The following VWA3B variants were observed in gnomAD, a reference collection of about 807,000 sequenced individuals.
VWA3B encodes von Willebrand factor A domain-containing protein 3B.
Under a neutral mutation model 158.3 loss-of-function variants are expected in VWA3B, and 138 were observed. The observed-to-expected ratio is 0.87, with a 90% confidence interval of 0.76 to 1.00. The LOEUF is 1.00. Ranked by LOEUF, VWA3B falls within the 50% of genes least tolerant of loss-of-function variation. The pLI, the probability that VWA3B is intolerant of heterozygous loss-of-function variation, is 0.00. For synonymous variants in VWA3B, 596 were observed against 587.3 expected, an observed-to-expected ratio of 1.01 and a Z score of -0.21; for missense variants, 1,555 against 1,565.1, an observed-to-expected ratio of 0.99 and a Z score of 0.11.
At chr2:98,195,108 A>C (rs891297879) in intron 12 of VWA3B, among the ~76,000 whole-genome samples, 1 of 152,192 alleles carries the variant, frequency 6.6e-6, no homozygotes, top group Non-Finnish European at 1.5e-5. Flanking sequence ...GAACTTCCAA[A>C]TATTTGAGAT....
the VWA3B span, among the ~76,000 whole-genome samples, chr2:98,319,164 AAAATT>A: frequency 6.6e-6 from 1 of 152,224 alleles, no homozygotes; most frequent in African/African-American, 2.4e-5. Flanking sequence ...GGAAAACAAT[AAAATT>A]AGATCCATGC....
At chr2:98,212,096 C>T (rs1435017345) in intron 13 of VWA3B, 68 bp downstream of exon 13, 1 of 1,434,100 alleles carries the variant, frequency 7.0e-7, no homozygotes, top group Non-Finnish European at 9.7e-7. Flanking sequence ...GGAAATGGGT[C>T]TGGGGGACCT....
At chr2:98,118,184 A>G (rs1243133074) in intron 3 of VWA3B, among the ~76,000 whole-genome samples, 1 of 152,198 alleles carries the variant, frequency 6.6e-6, no homozygotes, top group African/African-American at 2.4e-5. Flanking sequence ...TACCTTTAAA[A>G]TCCACCTCCA....
chr2:98,222,363 C>T (rs78082437), intron 14 of VWA3B, among the ~76,000 whole-genome samples: 1,959 of 152,272 alleles, frequency 0.013, 107 homozygotes, highest in East Asian at 0.13. Flanking sequence ...GTAACAGTCC[C>T]CACACATATA....
At chr2:98,282,748 T>G (rs1231319179) in intron 22 of VWA3B, among the ~76,000 whole-genome samples, 1 of 152,202 alleles carries the variant, frequency 6.6e-6, no homozygotes, top group Non-Finnish European at 1.5e-5. Context: ...CAACATGAAT[T>G]ACTTTTACAA....
intron 14 of VWA3B, among the ~76,000 whole-genome samples, chr2:98,221,199 T>C (rs931857827): frequency 6.6e-6 from 1 of 152,012 alleles, no homozygotes; most frequent in African/African-American, 2.4e-5. Flanking sequence ...CAATGAGTCC[T>C]TGGGACTTTA....
chr2:98,201,023 T>C (rs566291303), intron 12 of VWA3B, among the ~76,000 whole-genome samples: 1 of 152,250 alleles, frequency 6.6e-6, no homozygotes, highest in African/African-American at 2.4e-5. Context: ...GTCTTTATTA[T>C]TGTGACTTTA....
chr2:98,191,279 C>G (rs1681548921), intron 10 of VWA3B, among the ~76,000 whole-genome samples: 1 of 152,152 alleles, frequency 6.6e-6, no homozygotes, highest in Non-Finnish European at 1.5e-5. Flanking sequence ...AGCTGTGTAA[C>G]ATCCTTTTCC....
At chr2:98,278,794 T>A (rs1428844367) in intron 22 of VWA3B, among the ~76,000 whole-genome samples, 2 of 151,940 alleles carry the variant, frequency 1.3e-5, no homozygotes, top group Admixed American at 6.6e-5. Flanking sequence ...AAGGCAACAT[T>A]CGAGAAGGAA....
At chr2:98,098,817 T>G (rs544564685) in intron 2 of VWA3B, among the ~76,000 whole-genome samples, 1 of 152,240 alleles carries the variant, frequency 6.6e-6, no homozygotes, top group African/African-American at 2.4e-5. Flanking sequence ...GATTAAGTGA[T>G]TTTTCTCTAG....
intron 2 of VWA3B, among the ~76,000 whole-genome samples, chr2:98,105,822 C>T (rs1263486940): frequency 1.3e-5 from 2 of 152,102 alleles, no homozygotes; most frequent in East Asian, 1.9e-4. Context: ...AGTGACTACC[C>T]TTCCTACTTT....
intron 12 of VWA3B, among the ~76,000 whole-genome samples, chr2:98,203,397 T>C (rs1682749375): frequency 6.6e-6 from 1 of 152,242 alleles, no homozygotes; most frequent in African/African-American, 2.4e-5. Flanking sequence ...TTTTTTGAAT[T>C]GTTTTGGCTA....
chr2:98,264,106 T>C (rs570006027), intron 21 of VWA3B, among the ~76,000 whole-genome samples: 33 of 152,158 alleles, frequency 2.2e-4, no homozygotes, highest in African/African-American at 7.9e-4. Flanking sequence ...CTGATTTTAG[T>C]TATTTGAGTC....
chr2:98,118,745 CTAAAATAAAA>C (rs112520695), intron 3 of VWA3B, among the ~76,000 whole-genome samples: 221 of 151,644 alleles, frequency 1.5e-3, no homozygotes, highest in African/African-American at 5.1e-3. Flanking sequence ...CTTGCAACTG[CTAAAATAAAA>C]TAAAATAAAA....
chr2:98,215,071 T>C (rs1318521660), intron 13 of VWA3B, among the ~76,000 whole-genome samples: 5 of 152,196 alleles, frequency 3.3e-5, no homozygotes, highest in Non-Finnish European at 7.3e-5. Flanking sequence ...AAATTTTTGT[T>C]TTCTTGAGAG....
intron 12 of VWA3B, among the ~76,000 whole-genome samples, chr2:98,207,948 T>G (rs1247078252): frequency 1.3e-5 from 2 of 152,202 alleles, no homozygotes; most frequent in Non-Finnish European, 2.9e-5. Context: ...CTACCTATTT[T>G]ATCTATTACA....
At chr2:98,259,109 A>G (rs1274881867) in intron 21 of VWA3B, among the ~76,000 whole-genome samples, 1 of 151,830 alleles carries the variant, frequency 6.6e-6, no homozygotes, top group Non-Finnish European at 1.5e-5. Flanking sequence ...CATTTCTGGC[A>G]TAAATCCTAC....
chr2:98,195,424 T>G (rs1249079332), intron 12 of VWA3B, among the ~76,000 whole-genome samples: 2 of 152,220 alleles, frequency 1.3e-5, no homozygotes, highest in Admixed American at 6.5e-5. Context: ...GACTTGTTTT[T>G]AAAACTGGGA....
chr2:98,251,110 C>T (rs1288541088), intron 20 of VWA3B, among the ~76,000 whole-genome samples: 3 of 151,892 alleles, frequency 2.0e-5, no homozygotes, highest in Non-Finnish European at 4.4e-5. Flanking sequence ...AAAAATTGCT[C>T]ATAAGGAATA....
Sources: gnomAD v4.1 joint callset for allele counts (sites outside exome capture counted in the v4.1 genomes callset) on GRCh38, gnomAD v4.1.1 for gene constraint, MANE v1.5 for transcripts, NCBI Gene and HGNC (gene_info 2026-07-23, HGNC 2026-07-21) for gene names.